RANBP17: variants seen among roughly 807,000 people sequenced by gnomAD.
RANBP17 encodes the protein RAN binding protein 17.
In RANBP17, 158 loss-of-function variants were observed where a neutral mutation model predicts 141.2. That is an observed-to-expected ratio of 1.12 (90% confidence interval 0.98 to 1.28). The LOEUF is 1.28. Ranked by LOEUF, RANBP17 falls within the 50% of genes most tolerant of loss-of-function variation. The pLI, the probability that RANBP17 is intolerant of heterozygous loss-of-function variation, is 0.00. For missense variants in RANBP17, 1,438 were observed against 1,290.7 expected (o/e 1.11, Z -1.75); for synonymous variants, 430 against 450.0 (o/e 0.96, Z 0.56).
At chr5:170,956,141 C>T (rs1775674266) in intron 13 of RANBP17, among the ~76,000 whole-genome samples, 1 of 151,758 alleles carries the variant, frequency 6.6e-6, no homozygotes, top group Non-Finnish European at 1.5e-5. Context: ...CAATCCTACC[C>T]TCTACTGATT....
chr5:171,071,885 A>G (rs893582966), intron 14 of RANBP17, among the ~76,000 whole-genome samples: 1 of 152,126 alleles, frequency 6.6e-6, no homozygotes, highest in Admixed American at 6.6e-5. Context: ...GGACTTTATT[A>G]TCAAAAGTTT....
chr5:170,882,404 A>T (rs1768787956), intron 3 of RANBP17, among the ~76,000 whole-genome samples: 2 of 152,168 alleles, frequency 1.3e-5, no homozygotes, highest in South Asian at 4.1e-4. Flanking sequence ...TTAATGATAA[A>T]CAATAACTAG....
At chr5:171,247,930 G>A (rs896520825) in intron 24 of RANBP17, among the ~76,000 whole-genome samples, 2 of 152,120 alleles carry the variant, frequency 1.3e-5, no homozygotes, top group East Asian at 3.9e-4. Context: ...ATTAAAATGG[G>A]GTGGTGGAAA....
chr5:171,112,003 G>T (rs59399664), intron 14 of RANBP17, among the ~76,000 whole-genome samples: 11,391 of 152,092 alleles, frequency 0.075, 680 homozygotes, highest in African/African-American at 0.16. Context: ...GATGGGTAAT[G>T]TTTTTATAAA....
chr5:170,924,442 GAA>G lies in RANBP17; in HGVS notation c.1363_1364del (p.Lys455AspfsTer59). The stretch of plus-strand genomic sequence containing the variant: ...GTGCACGGTCAGCAGATGTGAATAT[GAA>G]AAGACATGTGCTCTTCTTGTGCAGT... ...QLCTVSRCEY[E>X]KTCALLVQLF... On this transcript the variant is annotated frameshift_variant, in exon 12 of 28. Transcript: ENST00000523189. LOFTEE classifies it high-confidence loss of function. 6.2e-7 allele frequency: 1 copy of G among 1,613,504 alleles called. No individual in the cohort carries two copies. Among genetic ancestry groups the G allele is most frequent in the Middle Eastern group, 1.7e-4 (1 of 6,008 alleles).
At chr5:170,986,951 A>G (rs74365943) in intron 14 of RANBP17, among the ~76,000 whole-genome samples, 5,321 of 151,936 alleles carry the variant, frequency 0.035, 156 homozygotes, top group East Asian at 0.12. Flanking sequence ...CAATGTTAAA[A>G]TAATGTACTA....
chr5:171,263,109 TAATTCTGCTGATA>T (rs1390920775), intron 24 of RANBP17, among the ~76,000 whole-genome samples: 9 of 152,214 alleles, frequency 5.9e-5, no homozygotes, highest in African/African-American at 2.2e-4. Flanking sequence ...ATTCTTTAAT[TAATTCTGCTGATA>T]TTTCACCTGT....
chr5:171,235,169 A>G (rs13162872), intron 22 of RANBP17, among the ~76,000 whole-genome samples: 1 of 152,198 alleles, frequency 6.6e-6, no homozygotes, highest in African/African-American at 2.4e-5. Context: ...AGAGTCAGCC[A>G]TTACATTTAG....
intron 15 of RANBP17, 127 bp downstream of exon 15, chr5:171,170,330 A>ATT: frequency 2.2e-6 from 1 of 455,074 alleles, no homozygotes; most frequent in East Asian, 3.5e-5. Flanking sequence ...ATGCTTTGTT[A>ATT]GAATGTTAGC....
intron 25 of RANBP17, among the ~76,000 whole-genome samples, chr5:171,293,108 G>A (rs1010532865): frequency 3.3e-5 from 5 of 152,098 alleles, no homozygotes; most frequent in African/African-American, 1.2e-4. Context: ...CCTTCTCCGT[G>A]CAGTCTTCCC....
At chr5:170,899,302 CAT>C (rs1364606424) in intron 5 of RANBP17, among the ~76,000 whole-genome samples, 1 of 152,088 alleles carries the variant, frequency 6.6e-6, no homozygotes, top group Non-Finnish European at 1.5e-5. Context: ...GGAGTTCACT[CAT>C]GATTTGGCTC....
At chr5:170,901,503 G>C (rs958502316) in intron 5 of RANBP17, among the ~76,000 whole-genome samples, 1 of 152,140 alleles carries the variant, frequency 6.6e-6, no homozygotes, top group East Asian at 1.9e-4. Context: ...TTTAATTGGG[G>C]CATTTAGCCC....
chr5:171,273,673 G>A (rs1767275779), intron 25 of RANBP17, among the ~76,000 whole-genome samples: 1 of 152,040 alleles, frequency 6.6e-6, no homozygotes, highest in Non-Finnish European at 1.5e-5. Context: ...TGTATGCCTG[G>A]ATACCAGCTT....
chr5:171,111,540 G>T (rs1194490220), intron 14 of RANBP17, among the ~76,000 whole-genome samples: 3 of 152,072 alleles, frequency 2.0e-5, no homozygotes, highest in Non-Finnish European at 2.9e-5. Context: ...TCTCTGAAGT[G>T]TCAGTCTTTC....
At chr5:170,966,275 A>G (rs1269122923) in intron 13 of RANBP17, among the ~76,000 whole-genome samples, 1 of 152,160 alleles carries the variant, frequency 6.6e-6, no homozygotes, top group Non-Finnish European at 1.5e-5. Flanking sequence ...CTTGATGAAC[A>G]TTGATGCAAA....
chr5:170,888,279 T>C (rs1387679555), intron 3 of RANBP17, among the ~76,000 whole-genome samples: 3 of 152,232 alleles, frequency 2.0e-5, no homozygotes, highest in Admixed American at 1.3e-4. Context: ...TGGGATTGCA[T>C]TGAATCTTTA....
intron 14 of RANBP17, among the ~76,000 whole-genome samples, chr5:171,054,651 G>C (rs1018226103): frequency 6.6e-6 from 1 of 152,054 alleles, no homozygotes; most frequent in African/African-American, 2.4e-5. Context: ...ACCTTTTGCC[G>C]ACCTTCTGTC....
At chr5:171,023,622 A>G (rs1235237135) in intron 14 of RANBP17, among the ~76,000 whole-genome samples, 1 of 152,234 alleles carries the variant, frequency 6.6e-6, no homozygotes, top group Non-Finnish European at 1.5e-5. Context: ...CACTGGGTAT[A>G]AAATTCCAGT....
intron 14 of RANBP17, among the ~76,000 whole-genome samples, chr5:171,147,991 G>C (rs562957295): frequency 6.6e-6 from 1 of 152,184 alleles, no homozygotes; most frequent in Admixed American, 6.5e-5. Flanking sequence ...GATGGTTGCC[G>C]TGTCTGTGTA....
Sources: gnomAD v4.1 joint callset for allele counts (sites outside exome capture counted in the v4.1 genomes callset) on GRCh38, gnomAD v4.1.1 for gene constraint, MANE v1.5 for transcripts, NCBI Gene and HGNC (gene_info 2026-07-23, HGNC 2026-07-21) for gene names.